GPHN: variants seen among roughly 807,000 people sequenced by gnomAD.
GPHN encodes the protein gephyrin.
A neutral mutation model predicts 95.5 loss-of-function variants in GPHN; 17 were observed. The ratio of observed to expected loss-of-function variants is 0.18; its 90% CI spans 0.12 to 0.27. GPHN has a LOEUF of 0.27. GPHN is among the 10% of genes least tolerant of loss of function. The probability of loss-of-function intolerance (pLI) is 1.00; values close to 1 mark genes in which losing one functional copy is unlikely to be tolerated. For synonymous variants in GPHN, 320 were observed against 322.5 expected, an observed-to-expected ratio of 0.99 and a Z score of 0.08; for missense variants, 660 against 978.1, an observed-to-expected ratio of 0.67 and a Z score of 4.34.
chr14:67,173,874 CAG>C (rs984411043), intron 21 of GPHN, among the ~76,000 whole-genome samples: 9 of 149,692 alleles, frequency 6.0e-5, no homozygotes, highest in African/African-American at 2.2e-4. Context: ...TAAAAAAAAA[CAG>C]AAATCCTACA....
intron 19 of GPHN, among the ~76,000 whole-genome samples, chr14:67,160,327 G>T (rs2081898987): frequency 1.3e-5 from 2 of 151,880 alleles, no homozygotes; most frequent in South Asian, 2.1e-4. Context: ...TTAAATTCAG[G>T]TTTAATTTTT....
At chr14:67,512,352 G>C in the GPHN span, among the ~76,000 whole-genome samples, 1 of 152,192 alleles carries the variant, frequency 6.6e-6, no homozygotes, top group South Asian at 2.1e-4. Flanking sequence ...CTGGCCAATA[G>C]AGGCTGAAAT....
At chr14:67,349,064 T>A in the GPHN span, 3 of 1,614,038 alleles carry the variant, frequency 1.9e-6, no homozygotes, top group Non-Finnish European at 2.5e-6. Context: ...TTCGCTCGAA[T>A]CTTCACTTGC....
intron 1 of GPHN, among the ~76,000 whole-genome samples, chr14:66,679,670 C>T (rs562747608): frequency 2.0e-5 from 3 of 152,178 alleles, no homozygotes; most frequent in South Asian, 2.1e-4. Context: ...TCCTGCTGAC[C>T]TATATTCAAA....
chr14:67,386,972 T>G, the GPHN span: 1 of 161,850 alleles, frequency 6.2e-6, no homozygotes, highest in Non-Finnish European at 1.3e-5. Flanking sequence ...CCAAAGAAGT[T>G]AAGAGAGAAC....
chr14:67,089,779 C>T (rs1392239604), intron 12 of GPHN, among the ~76,000 whole-genome samples: 4 of 152,116 alleles, frequency 2.6e-5, no homozygotes, highest in Non-Finnish European at 4.4e-5. Flanking sequence ...AATTCTGGCG[C>T]CCCAGCAGCT....
intron 1 of GPHN, among the ~76,000 whole-genome samples, chr14:66,576,237 G>T (rs1453093381): frequency 2.0e-5 from 3 of 152,170 alleles, no homozygotes; most frequent in African/African-American, 7.2e-5. Flanking sequence ...CTAGCTTGGA[G>T]GCTGGGGCCA....
chr14:67,164,493 A>G (rs1268423298), intron 19 of GPHN, among the ~76,000 whole-genome samples: 1 of 151,842 alleles, frequency 6.6e-6, no homozygotes, highest in Admixed American at 6.6e-5. Flanking sequence ...TTATCAGGTA[A>G]TCTGCTTTCT....
the GPHN span, chr14:67,729,796 C>T: frequency 2.0e-6 from 1 of 496,388 alleles, no homozygotes; most frequent in Non-Finnish European, 4.0e-6. Context: ...CTCTGTCCCT[C>T]AATGCTGCCA....
At chr14:67,065,428 C>G (rs770743746) in intron 11 of GPHN, among the ~76,000 whole-genome samples, 1 of 152,044 alleles carries the variant, frequency 6.6e-6, no homozygotes, top group Non-Finnish European at 1.5e-5. Context: ...GGGTGGAGAA[C>G]TCTGTAGATG....
chr14:66,760,311 C>T (rs1373830534), intron 2 of GPHN, among the ~76,000 whole-genome samples: 1 of 152,044 alleles, frequency 6.6e-6, no homozygotes, highest in Non-Finnish European at 1.5e-5. Context: ...TATCAAGAGT[C>T]TTTATAATCT....
the GPHN span, chr14:67,647,107 C>T: frequency 1.1e-6 from 1 of 912,076 alleles, no homozygotes; most frequent in Middle Eastern, 2.2e-4. Flanking sequence ...AGCAGCTTTA[C>T]TTTTAAAATA....
At chr14:66,573,737 G>A (rs143295276) in intron 1 of GPHN, among the ~76,000 whole-genome samples, 8,928 of 152,100 alleles carry the variant, frequency 0.059, 359 homozygotes, top group Middle Eastern at 0.099. Flanking sequence ...TTACAGGCGT[G>A]AGCCACCATG....
intron 2 of GPHN, among the ~76,000 whole-genome samples, chr14:66,717,667 T>C (rs1182171664): frequency 6.6e-6 from 1 of 152,220 alleles, no homozygotes; most frequent in African/African-American, 2.4e-5. Context: ...GGCTGAAGTC[T>C]GTTATTCAGA....
intron 2 of GPHN, among the ~76,000 whole-genome samples, chr14:66,747,977 A>T (rs1223165530): frequency 6.6e-6 from 1 of 152,084 alleles, no homozygotes; most frequent in South Asian, 2.1e-4. Context: ...AACTGTGATG[A>T]TGTATCAATA....
the GPHN span, chr14:67,734,018 T>A: frequency 1.7e-6 from 1 of 578,352 alleles, no homozygotes; most frequent in South Asian, 1.6e-5. Context: ...GACACTCTTG[T>A]GAGACTGGCT....
chr14:67,148,983 AT>A (rs2081075767), intron 18 of GPHN, among the ~76,000 whole-genome samples: 1 of 152,180 alleles, frequency 6.6e-6, no homozygotes, highest in South Asian at 2.1e-4. Context: ...TGAATCAGAT[AT>A]GAGAATCTGA....
At chr14:67,154,935 G>A (rs1234464011) in intron 18 of GPHN, among the ~76,000 whole-genome samples, 2 of 152,038 alleles carry the variant, frequency 1.3e-5, no homozygotes, top group African/African-American at 2.4e-5. Context: ...GAGAAAAAGT[G>A]AACCACAGAG....
chr14:66,582,833 C>T (rs1217481168), intron 1 of GPHN, among the ~76,000 whole-genome samples: 4 of 152,038 alleles, frequency 2.6e-5, no homozygotes, highest in East Asian at 1.9e-4. Context: ...TGAATAGTGC[C>T]GCAATAAACA....
Sources: gnomAD v4.1 joint callset for allele counts (sites outside exome capture counted in the v4.1 genomes callset) on GRCh38, gnomAD v4.1.1 for gene constraint, MANE v1.5 for transcripts, NCBI Gene and HGNC (gene_info 2026-07-23, HGNC 2026-07-21) for gene names.